Variants in MGA observed in about 807,000 individuals in gnomAD.
MGA encodes the protein MAX gene-associated protein.
Under a neutral mutation model 261.1 loss-of-function variants are expected in MGA, and 40 were observed. The ratio of observed to expected loss-of-function variants is 0.15; its 90% CI spans 0.12 to 0.20. The LOEUF (loss-of-function observed/expected upper bound fraction) is 0.20, where lower values mean the gene tolerates loss of function less well. Among genes scored for constraint, MGA ranks in the 10% least tolerant of loss-of-function variants. The pLI is 1.00. For missense variants in MGA, 3,397 were observed against 3,630.5 expected (o/e 0.94, Z 1.65); for synonymous variants, 1,302 against 1,290.6 (o/e 1.01, Z -0.19).
chr15:41,681,461 T>C (rs2058675366), intron 2 of MGA, among the ~76,000 whole-genome samples: 1 of 152,112 alleles, frequency 6.6e-6, no homozygotes, highest in African/African-American at 2.4e-5. Flanking sequence ...CTAATTTTTC[T>C]TTCTTTTTGA....
At position 41,736,788 on chromosome 15, in the gene MGA, CT is replaced by C; in HGVS notation, c.4434+93del. 4 of 1,343,396 alleles carry C rather than the reference CT, an allele frequency of 3.0e-6. No individual in the cohort carries two copies. The South Asian group carries it at 6.6e-5, about 22-fold the overall frequency. The allele number at this position is 1,343,396 out of a possible 1,614,324, so 83.2% of individuals were successfully genotyped here. On this transcript the variant is annotated intron_variant, in intron 13 of 23. Transcript: ENST00000219905. Reference sequence around the variant, plus strand: ...CAGAGCCCTTTATGGTCCTGATATCCTTTATCTTGACATTTCCTGGGAACTG... The same window carrying C: ...CAGAGCCCTTTATGGTCCTGATATCCTTATCTTGACATTTCCTGGGAACTG...
chr15:41,696,055 T>C lies in MGA; in HGVS notation c.1065-20T>C. 1 of 1,530,058 alleles carries C rather than the reference T, an allele frequency of 6.5e-7. No individual in the cohort carries two copies. Among genetic ancestry groups the C allele is most frequent in the Non-Finnish European group, 8.9e-7 (1 of 1,126,086 alleles). The allele number at this position is 1,530,058 out of a possible 1,614,324, so 94.8% of individuals were successfully genotyped here. A position where few individuals can be genotyped will look rare whatever the true frequency, so the allele number is the denominator to read the frequency against. The stretch of plus-strand genomic sequence containing the variant: ...GATCATTTTGTACTTTTAAAATCCC[T>C]TTCTCCTCTCTCTCTCCAGTCTTAT... On this transcript the variant is annotated intron_variant, in intron 2 of 23. Coordinates refer to ENST00000219905, the MANE Select transcript of MGA (RefSeq NM_001164273.2).
chr15:41,735,610 G>A (rs1016558859), intron 12 of MGA, among the ~76,000 whole-genome samples: 1 of 151,938 alleles, frequency 6.6e-6, no homozygotes, highest in South Asian at 2.1e-4. Flanking sequence ...GGTGGCACGC[G>A]TCCATAATCT....
intron 2 of MGA, among the ~76,000 whole-genome samples, chr15:41,694,539 T>C (rs993276389): frequency 1.8e-4 from 28 of 151,982 alleles, no homozygotes; most frequent in Non-Finnish European, 3.4e-4. Context: ...TTTCTTTTTT[T>C]TTTTTGAGAC....
At chr15:41,673,423 G>T (rs1429837192) in intron 2 of MGA, among the ~76,000 whole-genome samples, 1 of 151,516 alleles carries the variant, frequency 6.6e-6, no homozygotes, top group East Asian at 1.9e-4. Context: ...TCACCATGTT[G>T]GCCAGGCTGG....
In MGA at chr15:41,696,851, GAGGA is replaced by G; in HGVS notation, c.1845_1848del (p.Arg616HisfsTer4). ...GCCTCTCCAAATGTCCCTGGAAAAA[GAGGA>G]AGGCCACGAAAATTGAAACTCTGTA... is the stretch of plus-strand genomic sequence containing the variant. On this transcript the variant is annotated frameshift_variant, in exon 3 of 24. Transcript: ENST00000219905. LOFTEE classifies it high-confidence loss of function. 6.3e-7 allele frequency: 1 copy of G among 1,598,780 alleles called. No individual in the cohort carries two copies. Among genetic ancestry groups the G allele is most frequent in the Non-Finnish European group, 8.5e-7 (1 of 1,172,434 alleles).
chr15:41,750,753 TTAG>T (rs1273876846), intron 17 of MGA, 138 bp downstream of exon 17: 20 of 741,310 alleles, frequency 2.7e-5, no homozygotes, highest in Non-Finnish European at 4.0e-5. Flanking sequence ...CTTAAATGGC[TTAG>T]TAGTTCTTTA....
upstream of MGA, among the ~76,000 whole-genome samples, chr15:41,658,671 A>C (rs1391807210): frequency 6.6e-6 from 1 of 151,738 alleles, no homozygotes; most frequent in East Asian, 1.9e-4. Flanking sequence ...TCTCCCACCG[A>C]GATCTGTAGT....
chr15:41,737,550 G>T (rs978222072), intron 13 of MGA, among the ~76,000 whole-genome samples: 1 of 152,046 alleles, frequency 6.6e-6, no homozygotes, highest in Non-Finnish European at 1.5e-5. Context: ...ATTCGTAGGG[G>T]TTTTGTTAGT....
chr15:41,710,398 G>A (rs2151474167), intron 7 of MGA, among the ~76,000 whole-genome samples: 1 of 152,160 alleles, frequency 6.6e-6, no homozygotes, highest in Middle Eastern at 3.4e-3. Context: ...TTTCTGAGGA[G>A]GGATAGTTTG....
At chr15:41,716,423 C>T (rs1186755818) in intron 9 of MGA, among the ~76,000 whole-genome samples, 2 of 151,804 alleles carry the variant, frequency 1.3e-5, no homozygotes, top group African/African-American at 2.4e-5. Flanking sequence ...CACTGCACTC[C>T]AGCCTGGGCG....
intron 23 of MGA, 70 bp from the exon 24 acceptor site, chr15:41,765,934 G>A: frequency 7.9e-7 from 1 of 1,270,928 alleles, no homozygotes; most frequent in Middle Eastern, 2.7e-4. Flanking sequence ...TATATGATAT[G>A]ACAGAGAGAA....
intron 15 of MGA, among the ~76,000 whole-genome samples, chr15:41,746,798 A>AT (rs894400326): frequency 1.5e-4 from 23 of 150,216 alleles, no homozygotes; most frequent in East Asian, 1.9e-4. Flanking sequence ...CATTTGTTTG[A>AT]TTTTTTTTTC....
chr15:41,653,055 A>G (rs1309470598), intron 1 of MGA, among the ~76,000 whole-genome samples: 1 of 152,106 alleles, frequency 6.6e-6, no homozygotes, highest in East Asian at 1.9e-4. Context: ...CTATTTCCAT[A>G]CAGCTTTTAC....
intron 17 of MGA, 76 bp from the exon 18 acceptor site, chr15:41,754,361 G>T: frequency 7.2e-7 from 1 of 1,391,042 alleles, no homozygotes; most frequent in Non-Finnish European, 9.5e-7. Context: ...GGTTTTATAA[G>T]GGGAACAAAC....
Position 41,734,532 on chromosome 15 carries a change from C to G in MGA, c.3854C>G (p.Ser1285Cys), listed in dbSNP as rs376993513. The G allele has an allele frequency of 3.1e-6, 5 of 1,608,000 alleles. No homozygotes were observed. The highest frequency in any genetic ancestry group is 3.4e-5 in the Admixed American group (2 of 59,312). Residue 1285 changes from serine to cysteine, a missense_variant, in exon 12 of 24, where the codon TCT becomes TGT. This residue lies in a region of MGA where 1,410 missense variants were observed against 1,386.4 expected (regional missense o/e 1.02). Coordinates refer to ENST00000219905, the MANE Select transcript of MGA (RefSeq NM_001164273.2). ...TACTGTCTCCTTCAGGAACCTGATT[C>G]TGAACAGCAGCCCTTAAAACAACTC...
intron 5 of MGA, among the ~76,000 whole-genome samples, chr15:41,704,278 C>A (rs925390339): frequency 6.6e-6 from 1 of 151,952 alleles, no homozygotes; most frequent in Non-Finnish European, 1.5e-5. Flanking sequence ...CTCCTGGCTT[C>A]AGCCCATCCT....
intron 2 of MGA, among the ~76,000 whole-genome samples, chr15:41,692,367 G>C (rs2059333787): frequency 6.6e-6 from 1 of 152,166 alleles, no homozygotes; most frequent in Non-Finnish European, 1.5e-5. Context: ...GTGAGGACTA[G>C]TTTCCTATTT....
At position 41,736,329 on chromosome 15, in the gene MGA, A is replaced by G; in HGVS notation, c.4065A>G (p.Leu1355=). 1 of 1,614,050 alleles carries G rather than the reference A, an allele frequency of 6.2e-7. No homozygotes were observed. Among genetic ancestry groups the G allele is most frequent in the Non-Finnish European group, 8.5e-7 (1 of 1,179,904 alleles). Residue 1355 remains leucine, a synonymous_variant, in exon 13 of 24, where the codon TTA becomes TTG. Transcript: ENST00000219905. The stretch of plus-strand genomic sequence containing the variant: ...ATCGGAACAAGATTTTGAGCATCTT[A>G]TCCCAGCACATCAATAGCAACATGC...
Sources: gnomAD v4.1 joint callset for allele counts (sites outside exome capture counted in the v4.1 genomes callset) on GRCh38, gnomAD v4.1.1 for gene constraint, gnomAD v4.1.1 regional missense constraint, MANE v1.5 for transcripts, NCBI Gene and HGNC (gene_info 2026-07-23, HGNC 2026-07-21) for gene names.